The following DLGAP2 variants were observed in gnomAD, a reference collection of about 807,000 sequenced individuals.
The protein encoded by DLGAP2 is DLG associated protein 2, also known as disks large-associated protein 2.
DLGAP2 carries 26 observed loss-of-function variants against 100.3 expected under a neutral mutation model. The ratio of observed to expected loss-of-function variants is 0.26; its 90% CI spans 0.19 to 0.36. The LOEUF is 0.36. DLGAP2 is among the 10% of genes least tolerant of loss of function. DLGAP2 has a pLI of 1.00. For missense variants in DLGAP2, 1,858 were observed against 1,453.2 expected (o/e 1.28, Z -4.53); for synonymous variants, 886 against 630.1 (o/e 1.41, Z -6.08).
At chr8:1,312,084 C>G (rs1381719460) in intron 3 of DLGAP2, among the ~76,000 whole-genome samples, 1 of 152,180 alleles carries the variant, frequency 6.6e-6, no homozygotes, top group African/African-American at 2.4e-5. Context: ...CTACTTCATC[C>G]AACAGCAGCA....
At chr8:1,193,418 G>A (rs980526990) in intron 2 of DLGAP2, among the ~76,000 whole-genome samples, 2 of 152,126 alleles carry the variant, frequency 1.3e-5, no homozygotes, top group Non-Finnish European at 2.9e-5. Context: ...TTTGTCTGAT[G>A]GCCAGTGATG....
At chr8:1,485,586 C>G (rs1379522814) in intron 3 of DLGAP2, among the ~76,000 whole-genome samples, 1 of 152,204 alleles carries the variant, frequency 6.6e-6, no homozygotes, top group Non-Finnish European at 1.5e-5. Context: ...CTGGTTTATC[C>G]CCGTTCTTGG....
chr8:1,536,302 G>A (rs1000752276), intron 4 of DLGAP2, among the ~76,000 whole-genome samples: 3 of 151,658 alleles, frequency 2.0e-5, no homozygotes, highest in East Asian at 1.9e-4. Flanking sequence ...ACGACTTCCC[G>A]GGATTGTTAG....
At chr8:1,067,074 T>C (rs1172088392) in intron 2 of DLGAP2, among the ~76,000 whole-genome samples, 3 of 152,140 alleles carry the variant, frequency 2.0e-5, no homozygotes, top group Non-Finnish European at 4.4e-5. Flanking sequence ...TCAGGTTCCG[T>C]CTGATCCCAG....
intron 1 of DLGAP2, among the ~76,000 whole-genome samples, chr8:785,360 C>T (rs993995888): frequency 6.6e-6 from 1 of 151,890 alleles, no homozygotes; most frequent in Non-Finnish European, 1.5e-5. Flanking sequence ...TGAGGCAGGC[C>T]GGGCCCCTGC....
At chr8:1,522,907 C>T (rs867098175) in intron 4 of DLGAP2, among the ~76,000 whole-genome samples, 4 of 152,190 alleles carry the variant, frequency 2.6e-5, no homozygotes, top group Non-Finnish European at 5.9e-5. Flanking sequence ...CTCTACATTG[C>T]TAAAGGGATG....
chr8:1,028,081 G>A (rs1293170792), intron 2 of DLGAP2, among the ~76,000 whole-genome samples: 75 of 131,662 alleles, frequency 5.7e-4, no homozygotes, highest in Non-Finnish European at 9.1e-4. Flanking sequence ...CCAAGCGCCC[G>A]TTATTCTCCA....
At chr8:788,791 G>A (rs1464694064) in intron 1 of DLGAP2, among the ~76,000 whole-genome samples, 2 of 152,152 alleles carry the variant, frequency 1.3e-5, no homozygotes, top group African/African-American at 4.8e-5. Flanking sequence ...ACTGGGTCGT[G>A]GTGGGTTCTG....
At chr8:1,383,121 G>T (rs1796134685) in intron 3 of DLGAP2, among the ~76,000 whole-genome samples, 1 of 152,218 alleles carries the variant, frequency 6.6e-6, no homozygotes, top group South Asian at 2.1e-4. Context: ...TTGTGACATT[G>T]CAGGGATCAT....
At chr8:1,207,327 A>G (rs1798018022) in intron 2 of DLGAP2, among the ~76,000 whole-genome samples, 1 of 152,052 alleles carries the variant, frequency 6.6e-6, no homozygotes, top group Admixed American at 6.6e-5. Flanking sequence ...AGCACATACA[A>G]TGTTTGGTTT....
Position 834,352 on chromosome 8 carries a change from C to T in DLGAP2, c.19-73560C>T, listed in dbSNP as rs115845699. Among the ~76,000 whole-genome samples the T allele has an allele frequency of 5.7e-3, 870 of 152,300 alleles. 8 individuals carry two copies. Among genetic ancestry groups the T allele is most frequent in the African/African-American group, 0.02 (817 of 41,570 alleles). ...GCAAAATATGAGCCAGACATAAAGA[C>T]AAGCTGAGAAGTTTAAGCCATTATA... On this transcript the variant is annotated intron_variant, in intron 1 of 14. Transcript: ENST00000637795.
chr8:1,184,746 C>T (rs917642339), intron 2 of DLGAP2, among the ~76,000 whole-genome samples: 2 of 152,140 alleles, frequency 1.3e-5, no homozygotes, highest in African/African-American at 2.4e-5. Flanking sequence ...GGTGAGGCCA[C>T]CGGGAGGCAA....
At chr8:1,370,507 T>C (rs1189889543) in intron 3 of DLGAP2, among the ~76,000 whole-genome samples, 1 of 152,240 alleles carries the variant, frequency 6.6e-6, no homozygotes, top group Non-Finnish European at 1.5e-5. Flanking sequence ...GCATCTATAC[T>C]TAAGTAACAA....
intron 2 of DLGAP2, among the ~76,000 whole-genome samples, chr8:1,045,575 A>G (rs1417852941): frequency 2.0e-5 from 3 of 152,176 alleles, no homozygotes; most frequent in African/African-American, 7.2e-5. Flanking sequence ...CATGCTGGGC[A>G]TCAGTCTCTT....
At chr8:1,430,441 C>T (rs1036997574) in intron 3 of DLGAP2, among the ~76,000 whole-genome samples, 3 of 152,124 alleles carry the variant, frequency 2.0e-5, no homozygotes, top group Admixed American at 1.3e-4. Context: ...TTGATCAAAT[C>T]ACATTAGGCA....
chr8:973,470 A>C (rs1009249717), intron 2 of DLGAP2, among the ~76,000 whole-genome samples: 14 of 151,704 alleles, frequency 9.2e-5, no homozygotes, highest in African/African-American at 3.4e-4. Flanking sequence ...CTCACATCCC[A>C]GACGGGGTGG....
At chr8:1,040,285 G>A (rs1487884785) in intron 2 of DLGAP2, among the ~76,000 whole-genome samples, 15 of 146,054 alleles carry the variant, frequency 1.0e-4, no homozygotes, top group South Asian at 4.5e-4. Context: ...TGGTCAGCTC[G>A]GGTTCCGTGG....
intron 3 of DLGAP2, among the ~76,000 whole-genome samples, chr8:1,278,088 C>T (rs1266905267): frequency 6.6e-6 from 1 of 152,154 alleles, no homozygotes; most frequent in East Asian, 1.9e-4. Context: ...TTTCTTTTCT[C>T]ATTTATTCAG....
intron 2 of DLGAP2, chr8:1,019,007 A>T (rs1231598477): frequency 2.6e-5 from 4 of 152,180 alleles, no homozygotes; most frequent in Admixed American, 2.0e-4. Flanking sequence ...CTCGTCTGAC[A>T]CCGTGGGGCC....
Sources: allele counts gnomAD v4.1 joint callset (sites outside exome capture counted in the v4.1 genomes callset), GRCh38; gene constraint gnomAD v4.1.1; transcripts MANE v1.5; gene names NCBI Gene and HGNC (gene_info 2026-07-23, HGNC 2026-07-21).